The following NR5A2 variants were observed in gnomAD, a reference collection of about 807,000 sequenced individuals.
NR5A2 encodes the protein nuclear receptor subfamily 5 group A member 2, also known as CYP7A promoter-binding factor.
Under a neutral mutation model 62.7 loss-of-function variants are expected in NR5A2, and 26 were observed. That is an observed-to-expected ratio of 0.41 (90% CI 0.30 to 0.58). NR5A2 has a LOEUF of 0.58. Among genes scored for constraint, NR5A2 ranks in the 20% least tolerant of loss-of-function variants. The pLI is 0.22. For missense variants in NR5A2, 541 were observed against 669.1 expected (o/e 0.81, Z 2.11); for synonymous variants, 246 against 241.7 (o/e 1.02, Z -0.16).
chr1:200,124,638 T>A (rs1386285103), intron 7 of NR5A2, among the ~76,000 whole-genome samples: 4 of 152,188 alleles, frequency 2.6e-5, no homozygotes, highest in African/African-American at 9.7e-5. Flanking sequence ...AAATGTTTAC[T>A]GATAAAAATA....
intron 5 of NR5A2, among the ~76,000 whole-genome samples, chr1:200,086,829 C>T (rs564186546): frequency 1.1e-4 from 16 of 152,000 alleles, no homozygotes; most frequent in African/African-American, 3.6e-4. Flanking sequence ...AACTGAGGTA[C>T]GGAGTTCAAG....
At chr1:200,146,219 T>C (rs1314342430) in intron 7 of NR5A2, among the ~76,000 whole-genome samples, 1 of 151,964 alleles carries the variant, frequency 6.6e-6, no homozygotes, top group African/African-American at 2.4e-5. Context: ...GAGTTTTGCA[T>C]TGGTAGATAA....
chr1:200,142,184 A>T (rs1480824180), intron 7 of NR5A2, among the ~76,000 whole-genome samples: 1 of 111,254 alleles, frequency 9.0e-6, no homozygotes, highest in African/African-American at 3.3e-5. Flanking sequence ...TGTTTTAAAG[A>T]CTTCTTTTTT....
chr1:200,073,695 A>T (rs1663862039), intron 5 of NR5A2, among the ~76,000 whole-genome samples: 1 of 151,946 alleles, frequency 6.6e-6, no homozygotes, highest in East Asian at 1.9e-4. Flanking sequence ...ACACACACAC[A>T]CACACCACAC....
intron 7 of NR5A2, among the ~76,000 whole-genome samples, chr1:200,155,331 T>C (rs1653326236): frequency 6.6e-6 from 1 of 152,188 alleles, no homozygotes. Flanking sequence ...AAGTTTAAAA[T>C]GAAGCACAAA....
chr1:200,092,523 C>T (rs144647999), intron 5 of NR5A2, among the ~76,000 whole-genome samples: 1 of 152,180 alleles, frequency 6.6e-6, no homozygotes, highest in Non-Finnish European at 1.5e-5. Context: ...AGCTCATTGG[C>T]GCTTCCCTCC....
intron 1 of NR5A2, among the ~76,000 whole-genome samples, chr1:200,034,655 T>C (rs2102136367): frequency 6.6e-6 from 1 of 152,038 alleles, no homozygotes. Flanking sequence ...GCTTTCGTTT[T>C]CCTCCGCGAT....
intron 7 of NR5A2, among the ~76,000 whole-genome samples, chr1:200,158,310 AG>A (rs1400288760): frequency 7.9e-5 from 12 of 152,244 alleles, no homozygotes. Flanking sequence ...CAGAAAGGAT[AG>A]TACCAGACCT....
At chr1:200,075,897 T>TTTTCTTTTCTTTTC (rs1167541598) in intron 5 of NR5A2, among the ~76,000 whole-genome samples, 7 of 146,650 alleles carry the variant, frequency 4.8e-5, no homozygotes, top group South Asian at 4.3e-4. Flanking sequence ...TTTTCTTTTC[T>TTTTCTTTTCTTTTC]TTTTTTTTTG....
intron 5 of NR5A2, among the ~76,000 whole-genome samples, chr1:200,068,162 G>T (rs996303069): frequency 1.7e-4 from 26 of 152,054 alleles, no homozygotes; most frequent in Non-Finnish European, 2.9e-4. Flanking sequence ...GCTTTTTAAA[G>T]AACTCTTTCA....
chr1:200,029,203 A>G, intron 1 of NR5A2: 1 of 281,026 alleles, frequency 3.6e-6, no homozygotes, highest in South Asian at 3.1e-5. Context: ...CTCGGGCCGG[A>G]GACGCGGACT....
At chr1:200,146,599 T>G (rs1667711249) in intron 7 of NR5A2, among the ~76,000 whole-genome samples, 2 of 152,240 alleles carry the variant, frequency 1.3e-5, no homozygotes, top group South Asian at 4.1e-4. Context: ...TTGTGCATTT[T>G]AAACATTAAA....
intron 1 of NR5A2, among the ~76,000 whole-genome samples, chr1:200,035,130 T>TC (rs1661716901): frequency 6.6e-6 from 1 of 151,860 alleles, no homozygotes; most frequent in Non-Finnish European, 1.5e-5. Flanking sequence ...TTGCTCCTCT[T>TC]CCCCCTCGGG....
intron 7 of NR5A2, among the ~76,000 whole-genome samples, chr1:200,168,670 C>T (rs1327110455): frequency 3.9e-5 from 6 of 152,110 alleles, no homozygotes; most frequent in East Asian, 3.8e-4. Context: ...AAACTGGAGA[C>T]AGAATCTCAG....
Position 200,039,598 on chromosome 1 carries a change from G to C in NR5A2, c.65-60G>C. 1 of 1,604,372 alleles carries C rather than the reference G, an allele frequency of 6.2e-7. No individual in the cohort carries two copies. The highest frequency in any genetic ancestry group is 8.5e-7 in the Non-Finnish European group (1 of 1,175,822). The stretch of plus-strand genomic sequence containing the variant: ...CGAGGCGAGAGGGTTGGGTTAGCAG[G>C]CATCCCGGTCGCCCCTTCCTTCTTT... On this transcript the variant is annotated intron_variant, in intron 1 of 7. Coordinates refer to ENST00000367362, the MANE Select transcript of NR5A2 (RefSeq NM_205860.3). This position sits in a 1 kb window ranked among gnomAD's most constrained non-coding sequence, Gnocchi z 5.1.
rs114001199 is a variant in NR5A2, at chr1:200,127,983, T to C, written c.1378+7028T>C. On this transcript the variant is annotated intron_variant, in intron 7 of 7. Transcript: ENST00000367362. Reference sequence around the variant, plus strand: ...AGAATGTGGACAAAAATAAAAGCAATATCTATTGGTAGAAGCAGAGAAATA... The same window carrying C: ...AGAATGTGGACAAAAATAAAAGCAACATCTATTGGTAGAAGCAGAGAAATA... Among the ~76,000 whole-genome samples the C allele has an allele frequency of 5.4e-3, 826 of 151,828 alleles. 3 individuals are homozygous for C. The highest frequency in any genetic ancestry group is 0.019 in the African/African-American group (784 of 41,398).
intron 7 of NR5A2, among the ~76,000 whole-genome samples, chr1:200,133,588 CAT>C (rs199503955): frequency 0.047 from 5,844 of 123,506 alleles, 305 homozygotes; most frequent in African/African-American, 0.14. Flanking sequence ...TATATATACA[CAT>C]ATATATATAT....
intron 1 of NR5A2, among the ~76,000 whole-genome samples, chr1:200,035,064 CGGCTGGGAGG>C (rs1401357682): frequency 2.0e-5 from 3 of 151,900 alleles, no homozygotes; most frequent in African/African-American, 7.3e-5. Flanking sequence ...ATGGGTTTTT[CGGCTGGGAGG>C]GGCGGAAAAA....
intron 1 of NR5A2, among the ~76,000 whole-genome samples, chr1:200,035,055 T>C (rs1661711561): frequency 6.6e-6 from 1 of 151,980 alleles, no homozygotes; most frequent in Non-Finnish European, 1.5e-5. Context: ...CAGCTTCTGA[T>C]GGGTTTTTCG....
Sources: allele counts gnomAD v4.1 joint callset (sites outside exome capture counted in the v4.1 genomes callset), GRCh38; gene constraint gnomAD v4.1.1; non-coding constraint Gnocchi (gnomAD v3.1); transcripts MANE v1.5; gene names NCBI Gene and HGNC (gene_info 2026-07-23, HGNC 2026-07-21).